ATAD2B: variants seen among roughly 807,000 people sequenced by gnomAD.
The protein encoded by ATAD2B is ATPase family AAA domain-containing protein 2B.
In ATAD2B, 40 loss-of-function variants were observed where a neutral mutation model predicts 167.6. The observed-to-expected ratio is 0.24, with a 90% confidence interval of 0.19 to 0.31. The LOEUF (loss-of-function observed/expected upper bound fraction) is 0.31. ATAD2B is among the 10% of genes least tolerant of loss of function. The probability of loss-of-function intolerance (pLI) is 1.00; values close to 1 mark genes in which losing one functional copy is unlikely to be tolerated. For missense variants in ATAD2B, 1,242 were observed against 1,757.2 expected (o/e 0.71, Z 5.24); for synonymous variants, 579 against 596.5 (o/e 0.97, Z 0.43).
intron 13 of ATAD2B, 72 bp from the exon 14 acceptor site, chr2:23,834,150 T>TTA: frequency 3.7e-5 from 25 of 680,006 alleles, no homozygotes; most frequent in Admixed American, 9.0e-5. Flanking sequence ...TTATCAGTCT[T>TTA]TCTTTTTTTT....
intron 1 of ATAD2B, among the ~76,000 whole-genome samples, chr2:23,924,057 CCTGTAGT>C (rs1241086658): frequency 6.6e-6 from 1 of 151,878 alleles, no homozygotes; most frequent in Non-Finnish European, 1.5e-5. Context: ...GTGGCGGGCG[CCTGTAGT>C]CCCAGCTACT....
chr2:23,887,867 C>G lies in ATAD2B; in HGVS notation c.537G>C (p.Val179=), dbSNP rs1698919049. The change falls in exon 4 of 28, where the codon GTG becomes GTC. Residue 179 remains valine (V), a synonymous_variant. Transcript: ENST00000238789. ...GTTGATCAAATAACAAACTCTGGTTCACACTTTCAAATCTGTTTTTCCTGG... is the reference window on the plus strand; with the variant it reads ...GTTGATCAAATAACAAACTCTGGTTGACACTTTCAAATCTGTTTTTCCTGG... ...CRSRKNRFES[V]NQSLLFDQLV... is the part of the protein sequence containing the mutation. 1.2e-6 allele frequency: 2 copies of G among 1,607,734 alleles called. No homozygotes were observed. The highest frequency in any genetic ancestry group is 2.2e-5 in the South Asian group (2 of 89,888).
chr2:23,817,258 C>T (rs760197806), intron 17 of ATAD2B, among the ~76,000 whole-genome samples: 2 of 152,160 alleles, frequency 1.3e-5, no homozygotes, highest in Non-Finnish European at 2.9e-5. Context: ...GGCTCTGCCA[C>T]CTGCTAGCAA....
chr2:23,715,585 AT>A, the ATAD2B span, among the ~76,000 whole-genome samples: 3 of 151,844 alleles, frequency 2.0e-5, no homozygotes. Context: ...AAAAAAAAAA[AT>A]CATATTAAAG....
At chr2:23,852,880 T>C (rs1002156061) in intron 13 of ATAD2B, among the ~76,000 whole-genome samples, 10 of 151,142 alleles carry the variant, frequency 6.6e-5, no homozygotes, top group African/African-American at 1.5e-4. Context: ...GATCACGCCA[T>C]TGCACTCCAG....
chr2:23,798,327 A>T lies in ATAD2B; in HGVS notation c.2455-4T>A. Reference sequence around the variant, plus strand: ...TTCTTCGAGCTTCACGAAAAATCTAATTAAGGAAAAAAACCAACATTAAAC... The same window carrying T: ...TTCTTCGAGCTTCACGAAAAATCTATTTAAGGAAAAAAACCAACATTAAAC... On this transcript the variant is annotated splice_polypyrimidine_tract_variant and splice_region_variant and intron_variant, in intron 18 of 27. Transcript: ENST00000238789. 1 of 1,571,054 alleles carries T rather than the reference A, an allele frequency of 6.4e-7. No homozygotes were observed. The highest frequency in any genetic ancestry group is 2.3e-5 in the East Asian group (1 of 44,116).
intron 20 of ATAD2B, among the ~76,000 whole-genome samples, chr2:23,787,300 G>C (rs1680971461): frequency 6.6e-6 from 1 of 151,890 alleles, no homozygotes; most frequent in Non-Finnish European, 1.5e-5. Context: ...TAGCTCCTAA[G>C]ATGAAAAGTG....
chr2:23,768,163 T>G (rs1677731765), intron 22 of ATAD2B, among the ~76,000 whole-genome samples: 1 of 152,204 alleles, frequency 6.6e-6, no homozygotes, highest in African/African-American at 2.4e-5. Context: ...AGACATATAA[T>G]AAGTTGCTCA....
At chr2:23,797,445 T>C (rs1438999781) in intron 19 of ATAD2B, among the ~76,000 whole-genome samples, 2 of 152,108 alleles carry the variant, frequency 1.3e-5, no homozygotes, top group African/African-American at 2.4e-5. Context: ...CAAGTTAACA[T>C]GGTGCTATCA....
chr2:23,806,813 T>A (rs1179383063), intron 18 of ATAD2B, among the ~76,000 whole-genome samples: 1 of 152,212 alleles, frequency 6.6e-6, no homozygotes, highest in Non-Finnish European at 1.5e-5. Flanking sequence ...CATCTCCATT[T>A]CACAGATGAG....
intron 6 of ATAD2B, among the ~76,000 whole-genome samples, chr2:23,882,007 G>A (rs115773648): frequency 0.022 from 3,316 of 151,930 alleles, 134 homozygotes; most frequent in African/African-American, 0.076. Flanking sequence ...ACAGGCGTGA[G>A]CCAAAATATT....
chr2:23,698,308 G>T, the ATAD2B span, among the ~76,000 whole-genome samples: 1 of 152,350 alleles, frequency 6.6e-6, no homozygotes, highest in South Asian at 2.1e-4. Flanking sequence ...CAGGATGCAG[G>T]CTTGAAGACC....
intron 18 of ATAD2B, among the ~76,000 whole-genome samples, chr2:23,801,683 C>T (rs1683519785): frequency 6.6e-6 from 1 of 152,004 alleles, no homozygotes; most frequent in Non-Finnish European, 1.5e-5. Flanking sequence ...TTGCCACAGA[C>T]ATCATAAGGA....
intron 22 of ATAD2B, among the ~76,000 whole-genome samples, chr2:23,767,958 A>G (rs973344902): frequency 2.6e-5 from 4 of 152,138 alleles, no homozygotes; most frequent in African/African-American, 7.2e-5. Context: ...GTTAGAGAGT[A>G]ATCTCAAAGA....
intron 13 of ATAD2B, among the ~76,000 whole-genome samples, chr2:23,854,807 A>G (rs531483388): frequency 6.6e-6 from 1 of 152,314 alleles, no homozygotes; most frequent in South Asian, 2.1e-4. Flanking sequence ...TTTTAAATCT[A>G]TATGGTGGCT....
chr2:23,892,074 G>T (rs963199432), intron 2 of ATAD2B, among the ~76,000 whole-genome samples: 9 of 152,182 alleles, frequency 5.9e-5, no homozygotes, highest in African/African-American at 2.2e-4. Context: ...CCACATAGGT[G>T]GTTATACTTC....
chr2:23,856,188 C>CAAAA (rs571662550), intron 13 of ATAD2B: 23 of 73,554 alleles, frequency 3.1e-4, no homozygotes, highest in South Asian at 6.2e-4. Context: ...GACTCCATCT[C>CAAAA]AAAAAAAAAA....
In ATAD2B at chr2:23,880,757, T is replaced by C. The variant is rs1469503951; in HGVS notation, c.785-2A>G. The C allele has an allele frequency of 6.5e-7, 1 of 1,544,208 alleles. No homozygotes were observed. Among genetic ancestry groups the C allele is most frequent in the Non-Finnish European group, 8.9e-7 (1 of 1,122,176 alleles). Reference sequence around the variant, plus strand: ...TATCTCCATCCTCCTCTTGAGATTCTAGTTTCCCACACACAAAAAGAAAAG... The same window carrying C: ...TATCTCCATCCTCCTCTTGAGATTCCAGTTTCCCACACACAAAAAGAAAAG... On this transcript the variant is annotated splice_acceptor_variant, in intron 6 of 27. Coordinates refer to ENST00000238789, the MANE Select transcript of ATAD2B (RefSeq NM_017552.4). LOFTEE classifies it high-confidence loss of function.
chr2:23,893,234 C>T (rs1162560310), intron 2 of ATAD2B, among the ~76,000 whole-genome samples: 4 of 152,244 alleles, frequency 2.6e-5, no homozygotes, highest in Admixed American at 6.5e-5. Flanking sequence ...ATTTATTTAA[C>T]GACCTTAGTG....
Sources: gnomAD v4.1 joint callset for allele counts (sites outside exome capture counted in the v4.1 genomes callset) on GRCh38, gnomAD v4.1.1 for gene constraint, MANE v1.5 for transcripts, NCBI Gene and HGNC (gene_info 2026-07-23, HGNC 2026-07-21) for gene names.